Variants in FGFR2 observed in about 807,000 individuals in gnomAD.
FGFR2 encodes BEK fibroblast growth factor receptor.
In FGFR2, 19 loss-of-function variants were observed where a neutral mutation model predicts 95.9. That is an observed-to-expected ratio of 0.20 (90% CI 0.14 to 0.29). The LOEUF is 0.29. Ranked by LOEUF, FGFR2 falls within the 10% of genes least tolerant of loss-of-function variation. The pLI is 1.00. For missense variants in FGFR2, 707 were observed against 1,056.9 expected, an observed-to-expected ratio of 0.67 and a Z score of 4.59; for synonymous variants, 392 against 393.3, an observed-to-expected ratio of 1.00 and a Z score of 0.04.
intron 2 of FGFR2, among the ~76,000 whole-genome samples, chr10:121,567,776 TC>T (rs1233952477): frequency 6.6e-6 from 1 of 152,220 alleles, no homozygotes; most frequent in African/African-American, 2.4e-5. Context: ...CCATGCCCAT[TC>T]CTTATTGTCT....
intron 16 of FGFR2, among the ~76,000 whole-genome samples, chr10:121,484,639 G>C (rs1845176918): frequency 6.6e-6 from 1 of 152,164 alleles, no homozygotes; most frequent in Non-Finnish European, 1.5e-5. Context: ...AGGAGGCAGA[G>C]AGACTCCTTT....
chr10:121,557,094 T>A (rs564191199), intron 4 of FGFR2, among the ~76,000 whole-genome samples: 1 of 152,208 alleles, frequency 6.6e-6, no homozygotes, highest in Non-Finnish European at 1.5e-5. Flanking sequence ...ATCAGAAATA[T>A]ATGTTTTCAA....
chr10:121,573,783 G>A (rs1389850984), intron 2 of FGFR2, among the ~76,000 whole-genome samples: 5 of 152,124 alleles, frequency 3.3e-5, no homozygotes, highest in Non-Finnish European at 7.4e-5. Context: ...GCACAGCTGG[G>A]ACTCCCACAA....
intron 9 of FGFR2, among the ~76,000 whole-genome samples, chr10:121,507,289 G>A (rs1253954585): frequency 6.6e-6 from 1 of 152,208 alleles, no homozygotes; most frequent in Non-Finnish European, 1.5e-5. Context: ...TTCCTCATCT[G>A]TTAAAAACAA....
At chr10:121,484,902 G>C (rs899709391) in intron 16 of FGFR2, among the ~76,000 whole-genome samples, 1 of 152,128 alleles carries the variant, frequency 6.6e-6, no homozygotes, top group African/African-American at 2.4e-5. Context: ...TCAATGGTTC[G>C]AGAAGTTCTG....
At chr10:121,512,592 G>T (rs1476481062) in intron 9 of FGFR2, among the ~76,000 whole-genome samples, 3 of 151,618 alleles carry the variant, frequency 2.0e-5, no homozygotes, top group Non-Finnish European at 4.4e-5. Flanking sequence ...TTGGAGTCTC[G>T]CTGTGTTGGT....
chr10:121,598,440 C>G lies in FGFR2; in HGVS notation c.-629G>C, dbSNP rs1027484343. The G allele has an allele frequency of 6.3e-6, 1 of 159,406 alleles. No individual in the cohort carries two copies. Among genetic ancestry groups the G allele is most frequent in the African/African-American group, 2.4e-5 (1 of 41,336 alleles). The allele number at this position is 159,406 out of a possible 1,614,324, so 9.9% of individuals were successfully genotyped here. A position where few individuals can be genotyped will look rare whatever the true frequency, so the allele number is the denominator to read the frequency against. ...CCCGCCCGCTCGGCTCTCCACCGCG[C>G]TCTCCTCCAGCCGCCGCCCGCGCCG... On this transcript the variant is annotated 5_prime_UTR_variant, in exon 1 of 18. Transcript: ENST00000358487.
chr10:121,491,513 G>A (rs1184202275), intron 13 of FGFR2, among the ~76,000 whole-genome samples: 2 of 152,032 alleles, frequency 1.3e-5, no homozygotes, highest in Non-Finnish European at 1.5e-5. Context: ...GAATTCCTGC[G>A]GCAACCTATG....
chr10:121,583,791 G>A (rs1366947801), intron 2 of FGFR2, among the ~76,000 whole-genome samples: 3 of 151,324 alleles, frequency 2.0e-5, no homozygotes, highest in Non-Finnish European at 4.4e-5. Flanking sequence ...TCAGGAAGAA[G>A]GGAAATTTTT....
intron 4 of FGFR2, among the ~76,000 whole-genome samples, chr10:121,556,379 C>A (rs991843215): frequency 4.1e-5 from 6 of 147,524 alleles, no homozygotes; most frequent in African/African-American, 1.5e-4. Context: ...AATGCTGACA[C>A]CTAAGGTTTA....
intron 9 of FGFR2, among the ~76,000 whole-genome samples, chr10:121,511,140 T>C (rs952524466): frequency 1.1e-4 from 17 of 151,466 alleles, no homozygotes; most frequent in African/African-American, 3.6e-4. Context: ...AGCCTACCTA[T>C]ATCAGCAGCT....
chr10:121,521,997 C>T (rs1850620144), intron 6 of FGFR2, among the ~76,000 whole-genome samples: 1 of 152,166 alleles, frequency 6.6e-6, no homozygotes, highest in South Asian at 2.1e-4. Flanking sequence ...TATGTGACAA[C>T]GTGGAAGCCA....
intron 17 of FGFR2, among the ~76,000 whole-genome samples, chr10:121,481,306 C>T (rs1434610232): frequency 6.6e-6 from 1 of 151,902 alleles, no homozygotes; most frequent in East Asian, 1.9e-4. Context: ...TGAGAGGGGG[C>T]AAAAAGTGCA....
intron 6 of FGFR2, among the ~76,000 whole-genome samples, chr10:121,529,587 G>A (rs1564935254): frequency 6.6e-6 from 1 of 152,210 alleles, no homozygotes; most frequent in South Asian, 2.1e-4. Flanking sequence ...ATCCAGTGGG[G>A]AATATGTCTG....
chr10:121,493,785 T>C (rs1432994491), intron 13 of FGFR2, among the ~76,000 whole-genome samples: 6 of 152,018 alleles, frequency 3.9e-5, no homozygotes. Context: ...TATCTCCCCT[T>C]GGATGACTCA....
intron 6 of FGFR2, among the ~76,000 whole-genome samples, chr10:121,524,131 C>A (rs1246447318): frequency 6.7e-6 from 1 of 149,170 alleles, no homozygotes; most frequent in Non-Finnish European, 1.5e-5. Flanking sequence ...CACACACACA[C>A]ACACACACAC....
At chr10:121,564,897 C>A (rs1050378099) in intron 3 of FGFR2, among the ~76,000 whole-genome samples, 10 of 152,136 alleles carry the variant, frequency 6.6e-5, no homozygotes, top group African/African-American at 2.4e-4. Context: ...GTGTAGCACC[C>A]AAAGACTCTT....
In FGFR2 at chr10:121,551,345, C is replaced by A. The variant is rs759750319; in HGVS notation, c.569G>T (p.Arg190Leu). The part of the protein sequence containing the change: ...PAGGNPMPTM[R>L]WLKNGKEFKQ... ...AAACTCCTTCCCGTTTTTCAGCCAC[C>A]GCATGGTTGGCATTGGGTTCCCCCC... Residue 190 changes from arginine (R) to leucine (L), a missense_variant, in exon 5 of 18, where the codon CGG (arginine) becomes CTG (leucine). Physicochemically the swap from Arg to Leu is moderately radical, Grantham distance 102. Coordinates refer to ENST00000358487, the MANE Select transcript of FGFR2 (RefSeq NM_000141.5). The A allele has an allele frequency of 4.3e-6, 7 of 1,614,226 alleles. No homozygotes were observed. The highest frequency in any genetic ancestry group is 5.9e-6 in the Non-Finnish European group (7 of 1,180,044).
intron 2 of FGFR2, among the ~76,000 whole-genome samples, chr10:121,573,457 G>C (rs947881399): frequency 4.6e-5 from 7 of 152,078 alleles, no homozygotes; most frequent in Admixed American, 2.6e-4. Flanking sequence ...AGTCAGAGGT[G>C]TCCAATCCCT....
Sources: gnomAD v4.1 joint callset for allele counts (sites outside exome capture counted in the v4.1 genomes callset) on GRCh38, gnomAD v4.1.1 for gene constraint, MANE v1.5 for transcripts, NCBI Gene and HGNC (gene_info 2026-07-23, HGNC 2026-07-21) for gene names.